ZNF570: variants seen among roughly 807,000 people sequenced by gnomAD.
ZNF570 encodes zinc finger protein 570.
In ZNF570, 8 loss-of-function variants were observed where a neutral mutation model predicts 14.2. That is an observed-to-expected ratio of 0.56 (90% CI 0.33 to 1.02). The LOEUF is 1.02. Ranked by LOEUF, ZNF570 falls within the 50% of genes least tolerant of loss-of-function variation. ZNF570 has a pLI of 0.03. For synonymous variants in ZNF570, 202 were observed against 207.6 expected, an observed-to-expected ratio of 0.97 and a Z score of 0.23; for missense variants, 559 against 624.9, an observed-to-expected ratio of 0.89 and a Z score of 1.12.
intron 4 of ZNF570, among the ~76,000 whole-genome samples, chr19:37,480,705 C>T (rs980999900): frequency 2.6e-5 from 4 of 152,002 alleles, no homozygotes; most frequent in East Asian, 1.9e-4. Context: ...GTAATCCCAG[C>T]ACTTTGGGAG....
chr19:37,481,709 T>C (rs1239234482), intron 4 of ZNF570, among the ~76,000 whole-genome samples: 1 of 152,176 alleles, frequency 6.6e-6, no homozygotes, highest in Admixed American at 6.5e-5. Flanking sequence ...TATTATCTCT[T>C]CACATATTGT....
chr19:37,480,531 C>T (rs532121283), intron 4 of ZNF570, among the ~76,000 whole-genome samples: 1 of 152,238 alleles, frequency 6.6e-6, no homozygotes, highest in South Asian at 2.1e-4. Context: ...ACTGTCTTAA[C>T]TTCACTTACC....
At chr19:37,480,616 AT>A (rs1600385373) in intron 4 of ZNF570, among the ~76,000 whole-genome samples, 1 of 152,128 alleles carries the variant, frequency 6.6e-6, no homozygotes, top group Non-Finnish European at 1.5e-5. Flanking sequence ...CCATTATTAT[AT>A]TTATTTAATT....
chr19:37,467,903 T>C (rs887646202), upstream of ZNF570: 33 of 1,535,986 alleles, frequency 2.1e-5, no homozygotes, highest in Non-Finnish European at 2.9e-5. Context: ...GTGCATGTAT[T>C]TGTTCTTTCT....
In ZNF570 at chr19:37,484,114, A is replaced by G. The variant is rs1373796083; in HGVS notation, c.492A>G (p.Glu164=). Residue 164 remains glutamate, a synonymous_variant, in exon 5 of 5, where the codon GAA becomes GAG. Coordinates refer to ENST00000330173, the MANE Select transcript of ZNF570 (RefSeq NM_144694.5). ...EEPLFDEREQ[E]YKSWGSFHQN... is the part of the protein sequence containing the mutation. The stretch of plus-strand genomic sequence containing the variant: ...CCCTTTTTGATGAGAGAGAACAAGA[A>G]TATAAATCTTGGGGAAGTTTTCATC... 6.2e-7 allele frequency: 1 copy of G among 1,614,088 alleles called. No homozygotes were observed. Among genetic ancestry groups the G allele is most frequent in the Non-Finnish European group, 8.5e-7 (1 of 1,180,006 alleles).
upstream of ZNF570, chr19:37,468,071 G>GTT (rs35295578): frequency 0.012 from 7,275 of 583,074 alleles, 32 homozygotes; most frequent in African/African-American, 0.031. Context: ...TGCCTTTCGT[G>GTT]TTTTTTTTTT....
intron 4 of ZNF570, among the ~76,000 whole-genome samples, chr19:37,478,510 C>T (rs879372064): frequency 0.025 from 3,791 of 149,524 alleles, 97 homozygotes; most frequent in Non-Finnish European, 0.038. Flanking sequence ...ATGGTAGTTT[C>T]TTCATTTTCA....
intron 2 of ZNF570, among the ~76,000 whole-genome samples, chr19:37,470,719 T>TG (rs1295540409): frequency 6.8e-6 from 1 of 147,096 alleles, no homozygotes; most frequent in African/African-American, 2.5e-5. Flanking sequence ...TTTTTTTTTT[T>TG]GAGACAGAGT....
chr19:37,478,374 A>G (rs2042050476), intron 4 of ZNF570, among the ~76,000 whole-genome samples: 1 of 152,168 alleles, frequency 6.6e-6, no homozygotes, highest in Non-Finnish European at 1.5e-5. Flanking sequence ...TTTGTTGCTC[A>G]TATATAGAAA....
chr19:37,483,964 A>C lies in ZNF570; in HGVS notation c.342A>C (p.Thr114=). Reference sequence around the variant, plus strand: ...ATCAATCCCAGAAGATAATAGAAACACTTACAAGCTATAACCTTGAATACT... The same window carrying C: ...ATCAATCCCAGAAGATAATAGAAACCCTTACAAGCTATAACCTTGAATACT... ...EEHQSQKIIE[T]LTSYNLEYSS... Residue 114 remains threonine (T), a synonymous_variant, in exon 5 of 5, where the codon ACA becomes ACC. Coordinates refer to ENST00000330173, the MANE Select transcript of ZNF570 (RefSeq NM_144694.5). 6.2e-7 allele frequency: 1 copy of C among 1,613,986 alleles called. No individual in the cohort carries two copies. Among genetic ancestry groups the C allele is most frequent in the South Asian group, 1.1e-5 (1 of 91,082 alleles).
chr19:37,479,661 A>G (rs1024902765), intron 4 of ZNF570, among the ~76,000 whole-genome samples: 1 of 152,122 alleles, frequency 6.6e-6, no homozygotes, highest in East Asian at 1.9e-4. Context: ...AGTTTTTTTT[A>G]TATTTTGAAG....
At position 37,485,071 on chromosome 19, in the gene ZNF570, A is replaced by G; in HGVS notation, c.1449A>G (p.Gly483=). Residue 483 remains glycine, a synonymous_variant, in exon 5 of 5, where the codon GGA becomes GGG. Coordinates refer to ENST00000330173, the MANE Select transcript of ZNF570 (RefSeq NM_144694.5). ...TVCGKAFSYC[G]SLAQHQRIHT... is the part of the protein sequence containing the mutation. Reference sequence around the variant, plus strand: ...GTGGAAAGGCTTTTAGTTACTGTGGATCCCTTGCCCAACATCAGAGAATTC... The same window carrying G: ...GTGGAAAGGCTTTTAGTTACTGTGGGTCCCTTGCCCAACATCAGAGAATTC... 1 of 1,613,942 alleles carries G rather than the reference A, an allele frequency of 6.2e-7. No individual in the cohort carries two copies. Among genetic ancestry groups the G allele is most frequent in the South Asian group, 1.1e-5 (1 of 91,056 alleles).
At chr19:37,467,919 T>C, upstream of ZNF570, 1 of 1,536,162 alleles carries the variant, frequency 6.5e-7, no homozygotes, top group Non-Finnish European at 8.7e-7. Context: ...TTTCTGGACT[T>C]CTCGATTGTG....
In ZNF570 at chr19:37,486,411, C is replaced by G. The variant is rs1336862879; in HGVS notation, c.*1178C>G. The stretch of plus-strand genomic sequence containing the variant: ...ATGTAAGTATTAAGTGAAATAGTGT[C>G]TGTTGTAGATTGATGCATATTAAAT... On this transcript the variant is annotated 3_prime_UTR_variant, in exon 5 of 5. Transcript: ENST00000330173. 6.6e-6 allele frequency: 1 copy of G among 152,136 alleles called. No homozygotes were observed. Among genetic ancestry groups the G allele is most frequent in the Non-Finnish European group, 1.5e-5 (1 of 68,030 alleles). The allele number at this position is 152,136 out of a possible 1,614,324, so 9.4% of individuals were successfully genotyped here.
At chr19:37,475,820 G>C (rs1333439811) in intron 2 of ZNF570, 61 bp from the exon 3 acceptor site, 2 of 1,542,478 alleles carry the variant, frequency 1.3e-6, no homozygotes, top group East Asian at 2.3e-5. Context: ...AGTGTGCCTA[G>C]GGCAGAGGAA....
In ZNF570 at chr19:37,488,530, A is replaced by G. The variant is rs900159008; in HGVS notation, c.*3297A>G. The G allele has an allele frequency of 6.6e-6, 1 of 152,188 alleles. No homozygotes were observed. Among genetic ancestry groups the G allele is most frequent in the Non-Finnish European group, 1.5e-5 (1 of 68,020 alleles). The allele number at this position is 152,188 out of a possible 1,614,324, so 9.4% of individuals were successfully genotyped here. A position where few individuals can be genotyped will look rare whatever the true frequency, so the allele number is the denominator to read the frequency against. The stretch of plus-strand genomic sequence containing the variant: ...TCATTTCTTTTAAAAATAAGCAAAT[A>G]CTGTATAGCCAATTCTTAAAATTTG... On this transcript the variant is annotated 3_prime_UTR_variant, in exon 5 of 5. Transcript: ENST00000330173.
At chr19:37,472,656 C>T (rs536041901) in intron 2 of ZNF570, among the ~76,000 whole-genome samples, 4 of 150,660 alleles carry the variant, frequency 2.7e-5, no homozygotes, top group South Asian at 4.2e-4. Context: ...GCAGGAGAAT[C>T]GCTTGAACCT....
chr19:37,471,027 T>TTTTTTTTTTTTTG (rs1363911894), intron 2 of ZNF570, among the ~76,000 whole-genome samples: 2 of 140,798 alleles, frequency 1.4e-5, no homozygotes, highest in South Asian at 4.8e-4. Flanking sequence ...TTTTTTTTTT[T>TTTTTTTTTTTTTG]TTGTTGAGAC....
At chr19:37,480,213 CGG>C (rs2042071084) in intron 4 of ZNF570, among the ~76,000 whole-genome samples, 1 of 152,206 alleles carries the variant, frequency 6.6e-6, no homozygotes, top group Non-Finnish European at 1.5e-5. Context: ...TAGCCAGGCA[CGG>C]TGGCTCACGC....
Sources: allele counts gnomAD v4.1 joint callset (sites outside exome capture counted in the v4.1 genomes callset), GRCh38; gene constraint gnomAD v4.1.1; transcripts MANE v1.5; gene names NCBI Gene and HGNC (gene_info 2026-07-23, HGNC 2026-07-21).